The following CCDC171 variants were observed in gnomAD, a reference collection of about 807,000 sequenced individuals.
CCDC171 encodes coiled-coil domain containing 171, also known as coiled-coil domain-containing protein 171.
A neutral mutation model predicts 168.2 loss-of-function variants in CCDC171; 177 were observed. The observed-to-expected ratio is 1.05, with a 90% CI of 0.93 to 1.19. The LOEUF (loss-of-function observed/expected upper bound fraction) is 1.19. Ranked by LOEUF, CCDC171 falls within the 50% of genes most tolerant of loss-of-function variation. The pLI is 0.00. For synonymous variants in CCDC171, 687 were observed against 540.8 expected, an observed-to-expected ratio of 1.27 and a Z score of -3.75; for missense variants, 1,991 against 1,539.0, an observed-to-expected ratio of 1.29 and a Z score of -4.91.
At chr9:15,649,981 A>G (rs2047377167) in intron 7 of CCDC171, among the ~76,000 whole-genome samples, 2 of 152,156 alleles carry the variant, frequency 1.3e-5, no homozygotes, top group Non-Finnish European at 2.9e-5. Context: ...TCACAATAGC[A>G]AAGACTTGGA....
intron 3 of CCDC171, among the ~76,000 whole-genome samples, chr9:16,007,210 T>G (rs1832729642): frequency 6.6e-6 from 1 of 152,234 alleles, no homozygotes; most frequent in African/African-American, 2.4e-5. Flanking sequence ...TCATGTGTTT[T>G]TTGGCTGCAT....
At chr9:15,764,159 A>G (rs890893803) in intron 18 of CCDC171, among the ~76,000 whole-genome samples, 1 of 152,224 alleles carries the variant, frequency 6.6e-6, no homozygotes, top group Admixed American at 6.5e-5. Context: ...ATGATGTCAG[A>G]GAGATAGCAA....
At chr9:16,059,533 A>T (rs1269108217) in intron 1 of CCDC171, among the ~76,000 whole-genome samples, 1 of 102,958 alleles carries the variant, frequency 9.7e-6, no homozygotes, top group Non-Finnish European at 1.7e-5. Flanking sequence ...TTTGAGACGG[A>T]GTCTCGCTCT....
chr9:16,003,778 T>C (rs1203225488), intron 3 of CCDC171, among the ~76,000 whole-genome samples: 1 of 152,164 alleles, frequency 6.6e-6, no homozygotes, highest in Non-Finnish European at 1.5e-5. Context: ...AGGTATTATA[T>C]GTATGAGGAT....
chr9:15,745,514 G>C lies in CCDC171; in HGVS notation c.2555-1G>C. 1 of 1,530,952 alleles carries C rather than the reference G, an allele frequency of 6.5e-7. No individual in the cohort carries two copies. The highest frequency in any genetic ancestry group is 8.8e-7 in the Non-Finnish European group (1 of 1,142,646). 94.8% of individuals were successfully genotyped at this position (1,530,952 alleles called of 1,614,324 possible). A position where few individuals can be genotyped will look rare whatever the true frequency, so the allele number is the denominator to read the frequency against. On this transcript the variant is annotated splice_acceptor_variant, in intron 17 of 25. Coordinates refer to ENST00000380701, the MANE Select transcript of CCDC171 (RefSeq NM_173550.4). LOFTEE classifies it high-confidence loss of function. ...TACAATGGATTTTTTCAATTTTATA[G>C]AACATCAAAAGGAGCAGTTGCGTTG...
chr9:15,648,066 A>C (rs142939394), intron 7 of CCDC171, among the ~76,000 whole-genome samples: 1 of 152,194 alleles, frequency 6.6e-6, no homozygotes, highest in Non-Finnish European at 1.5e-5. Context: ...AGTGGGCTTC[A>C]TCCCTGGGAT....
chr9:16,083,236 C>T, the CCDC171 span, among the ~76,000 whole-genome samples: 21 of 152,280 alleles, frequency 1.4e-4, no homozygotes, highest in South Asian at 4.1e-3. Flanking sequence ...ACTTTATCCT[C>T]GCGATAATCC....
rs10962144 is a variant in CCDC171 at position 15,758,974 on chromosome 9, A to G, written c.2671+13343A>G. 8.0e-3 allele frequency among the ~76,000 whole-genome samples: 1,220 copies of G among 152,256 alleles called. 93 individuals are homozygous for G. The East Asian group carries it at 0.2, about 24-fold the overall frequency. On this transcript the variant is annotated intron_variant, in intron 18 of 25. Coordinates refer to ENST00000380701, the MANE Select transcript of CCDC171 (RefSeq NM_173550.4). Reference sequence around the variant, plus strand: ...GTATGTCTTTATCAGCAGTGTGAAAACAGACTAATACAGTGGCCTCCAGCT... The same window carrying G: ...GTATGTCTTTATCAGCAGTGTGAAAGCAGACTAATACAGTGGCCTCCAGCT...
chr9:15,571,166 T>A (rs561469800), intron 2 of CCDC171, among the ~76,000 whole-genome samples: 1 of 152,354 alleles, frequency 6.6e-6, no homozygotes, highest in South Asian at 2.1e-4. Flanking sequence ...TGTGAGTTTA[T>A]ACCTCTAAAT....
At chr9:16,013,099 C>T (rs1349949491) in intron 3 of CCDC171, among the ~76,000 whole-genome samples, 2 of 152,194 alleles carry the variant, frequency 1.3e-5, no homozygotes, top group Non-Finnish European at 2.9e-5. Context: ...CCTTCACAAA[C>T]CTCTTTGCCT....
At chr9:16,062,512 C>T (rs1833944732), downstream of CCDC171, among the ~76,000 whole-genome samples, 1 of 151,984 alleles carries the variant, frequency 6.6e-6, no homozygotes, top group African/African-American at 2.4e-5. Context: ...ATGCAATTTA[C>T]CCATCGAACA....
At chr9:15,831,055 C>T (rs2060210492) in intron 21 of CCDC171, among the ~76,000 whole-genome samples, 1 of 151,034 alleles carries the variant, frequency 6.6e-6, no homozygotes, top group Non-Finnish European at 1.5e-5. Flanking sequence ...CTGCAAGCTC[C>T]ACCTCCCAGG....
chr9:15,999,293 GGGAA>G (rs1043431761), intron 3 of CCDC171, among the ~76,000 whole-genome samples: 5 of 148,372 alleles, frequency 3.4e-5, no homozygotes, highest in South Asian at 2.2e-4. Flanking sequence ...GAGGGAGGGA[GGGAA>G]GGAAGGAAGG....
intron 18 of CCDC171, among the ~76,000 whole-genome samples, chr9:15,770,920 TCA>T (rs1471258692): frequency 1.3e-5 from 2 of 152,000 alleles, no homozygotes; most frequent in African/African-American, 2.4e-5. Context: ...ACAAATATAA[TCA>T]CACACACACA....
chr9:15,944,454 T>C (rs1828066988), intron 25 of CCDC171, among the ~76,000 whole-genome samples: 1 of 152,072 alleles, frequency 6.6e-6, no homozygotes, highest in African/African-American at 2.4e-5. Context: ...AACATTTATC[T>C]AATACTTTCC....
chr9:15,564,567 A>C, intron 2 of CCDC171, among the ~76,000 whole-genome samples: 1 of 152,188 alleles, frequency 6.6e-6, no homozygotes, highest in Middle Eastern at 3.4e-3. Flanking sequence ...TCGCTTCCTT[A>C]CTTGGTATCT....
chr9:16,011,959 C>T (rs1311665869), intron 3 of CCDC171, among the ~76,000 whole-genome samples: 1 of 152,106 alleles, frequency 6.6e-6, no homozygotes, highest in Non-Finnish European at 1.5e-5. Context: ...AGTCTTGTCC[C>T]CAGTGGGCCA....
chr9:15,786,940 T>C (rs2057993872), intron 21 of CCDC171, among the ~76,000 whole-genome samples: 1 of 152,004 alleles, frequency 6.6e-6, no homozygotes. Context: ...CCCTCTCCTA[T>C]CTCCCTTCAC....
chr9:15,656,155 T>C (rs576701154), intron 7 of CCDC171, among the ~76,000 whole-genome samples: 1 of 152,030 alleles, frequency 6.6e-6, no homozygotes. Context: ...CCGTCTCTAC[T>C]AAAAATATAA....
Sources: gnomAD v4.1 joint callset for allele counts (sites outside exome capture counted in the v4.1 genomes callset) on GRCh38, gnomAD v4.1.1 for gene constraint, MANE v1.5 for transcripts, NCBI Gene and HGNC (gene_info 2026-07-23, HGNC 2026-07-21) for gene names.